The following EPHB2 variants were observed in gnomAD, a reference collection of about 807,000 sequenced individuals.
EPHB2 encodes ephrin type-B receptor 2.
In EPHB2, 18 loss-of-function variants were observed where a neutral mutation model predicts 96.4. The observed-to-expected ratio is 0.19, with a 90% confidence interval of 0.13 to 0.28. The LOEUF (loss-of-function observed/expected upper bound fraction) is 0.28, where lower values mean the gene tolerates loss of function less well. Among genes scored for constraint, EPHB2 ranks in the 10% least tolerant of loss-of-function variants. The pLI is 1.00. For missense variants in EPHB2, 989 were observed against 1,355.4 expected, an observed-to-expected ratio of 0.73 and a Z score of 4.25; for synonymous variants, 506 against 534.1, an observed-to-expected ratio of 0.95 and a Z score of 0.72.
At chr1:22,768,453 G>A (rs916497101) in intron 1 of EPHB2, among the ~76,000 whole-genome samples, 4 of 152,204 alleles carry the variant, frequency 2.6e-5, no homozygotes, top group African/African-American at 4.8e-5. Flanking sequence ...TTGGGAGGCC[G>A]AGGTGGGAGG....
chr1:22,826,651 C>A (rs1356371728), intron 3 of EPHB2, among the ~76,000 whole-genome samples: 1 of 152,252 alleles, frequency 6.6e-6, no homozygotes, highest in Non-Finnish European at 1.5e-5. Flanking sequence ...ACGCCTGCCT[C>A]CCCCAGGACA....
chr1:22,769,150 G>A (rs553334204), intron 1 of EPHB2, among the ~76,000 whole-genome samples: 1 of 152,254 alleles, frequency 6.6e-6, no homozygotes, highest in South Asian at 2.1e-4. Flanking sequence ...AATGTGATAT[G>A]GACAACAGAT....
intron 2 of EPHB2, among the ~76,000 whole-genome samples, chr1:22,783,901 T>C (rs1422038347): frequency 6.6e-6 from 1 of 152,088 alleles, no homozygotes; most frequent in Non-Finnish European, 1.5e-5. Context: ...TCCTAGGCGT[T>C]CATTGAGGAT....
At chr1:22,861,912 C>T (rs1638270944) in intron 3 of EPHB2, among the ~76,000 whole-genome samples, 1 of 152,216 alleles carries the variant, frequency 6.6e-6, no homozygotes, top group African/African-American at 2.4e-5. Flanking sequence ...CCGGTGAGGG[C>T]CTGGGGGCCT....
Position 22,784,447 on chromosome 1 carries a change from T to C in EPHB2, c.182T>C (p.Val61Ala). Residue 61 changes from valine (V) to alanine (A), a missense_variant, in exon 3 of 16, where the codon GTG (valine) becomes GCG (alanine). Val to Ala is a moderately conservative substitution (Grantham distance 64, BLOSUM62 0). Transcript: ENST00000374630. This position sits in a 1 kb window ranked among gnomAD's most constrained non-coding sequence, Gnocchi z 5.1. ...ENMNTIRTYQ[V>A]CNVFESSQNN... ...ATGAACACGATCCGCACGTACCAGG[T>C]GTGCAACGTGTTTGAGTCAAGCCAG... 6.2e-7 allele frequency: 1 copy of C among 1,614,132 alleles called. No homozygotes were observed. The highest frequency in any genetic ancestry group is 8.5e-7 in the Non-Finnish European group (1 of 1,180,024).
At chr1:22,889,535 A>G (rs1639327901) in intron 6 of EPHB2, among the ~76,000 whole-genome samples, 1 of 152,334 alleles carries the variant, frequency 6.6e-6, no homozygotes, top group African/African-American at 2.4e-5. Context: ...GGATCCAGAG[A>G]TGAGCAAGAC....
At chr1:22,809,033 G>A (rs201156040) in intron 3 of EPHB2, among the ~76,000 whole-genome samples, 21 of 152,348 alleles carry the variant, frequency 1.4e-4, no homozygotes, top group South Asian at 4.1e-4. Context: ...TGGTGGGGCC[G>A]GGCCAGGCCT....
Position 22,831,687 on chromosome 1 carries a change from A to T in EPHB2, c.812-31350A>T, listed in dbSNP as rs539896193. On this transcript the variant is annotated intron_variant, in intron 3 of 15. Coordinates refer to ENST00000374630, the MANE Select transcript of EPHB2 (RefSeq NM_017449.5). The stretch of plus-strand genomic sequence containing the variant: ...GAGATAGCAAGAGTTGTTGGAGATG[A>T]TTATAAGGGGAGGGCCAAAATGATC... Among the ~76,000 whole-genome samples the T allele has an allele frequency of 4.6e-5, 7 of 152,138 alleles. No homozygotes were observed. In the South Asian group the frequency reaches 1.2e-3, roughly 27 times the overall value.
intron 1 of EPHB2, among the ~76,000 whole-genome samples, chr1:22,750,636 G>A (rs1644047220): frequency 6.6e-6 from 1 of 152,180 alleles, no homozygotes; most frequent in South Asian, 2.1e-4. Flanking sequence ...ATTGGGAAAA[G>A]CAGACTTCAA....
intron 3 of EPHB2, among the ~76,000 whole-genome samples, chr1:22,854,954 C>T (rs1283999854): frequency 2.0e-5 from 3 of 152,198 alleles, no homozygotes; most frequent in Admixed American, 2.0e-4. Flanking sequence ...CAAGCCCAGC[C>T]CTGCCCTACA....
Position 22,921,042 on chromosome 1 carries a change from C to T in EPHB2, c.*7472C>T, listed in dbSNP as rs991539544. On this transcript the variant is annotated 3_prime_UTR_variant, in exon 16 of 16. Coordinates refer to ENST00000374630, the MANE Select transcript of EPHB2 (RefSeq NM_017449.5). The stretch of plus-strand genomic sequence containing the variant: ...TACCAGTGGTACACACTCAGCCCCT[C>T]TCCACTGTCAGATCCTTTGCCAGTC... The T allele has an allele frequency of 6.6e-6, 1 of 152,310 alleles. No individual in the cohort carries two copies. Among genetic ancestry groups the T allele is most frequent in the African/African-American group, 2.4e-5 (1 of 41,466 alleles). 9.4% of individuals were successfully genotyped at this position (152,310 alleles called of 1,614,324 possible). A position where few individuals can be genotyped will look rare whatever the true frequency, so the allele number is the denominator to read the frequency against.
At chr1:22,819,243 CTCT>C in intron 3 of EPHB2, among the ~76,000 whole-genome samples, 1 of 149,482 alleles carries the variant, frequency 6.7e-6, no homozygotes, top group African/African-American at 2.5e-5. Flanking sequence ...CTCTCTCTCT[CTCT>C]CTCTGCTGGT....
At chr1:22,745,860 C>G (rs1171676524) in intron 1 of EPHB2, among the ~76,000 whole-genome samples, 1 of 152,130 alleles carries the variant, frequency 6.6e-6, no homozygotes, top group African/African-American at 2.4e-5. Context: ...GCTGGTGTGC[C>G]TAGCCGACGC....
Position 22,906,052 on chromosome 1 carries a change from G to A in EPHB2, c.1831G>A (p.Glu611Lys), listed in dbSNP as rs1425174126. The A allele has an allele frequency of 6.2e-7, 1 of 1,614,234 alleles. No homozygotes were observed. The highest frequency in any genetic ancestry group is 1.1e-5 in the South Asian group (1 of 91,084). ...TYEDPNEAVR[E>K]FAKEIDISCV... is the part of the protein sequence containing the mutation. ...CGAGGACCCCAACGAGGCAGTGCGG[G>A]AGTTTGCCAAGGAAATTGACATCTC... Residue 611 changes from glutamate (E) to lysine (K), a missense_variant, in exon 10 of 16, where the codon GAG becomes AAG. Physicochemically the swap from Glu to Lys is moderately conservative, Grantham distance 56 (BLOSUM62 1). Transcript: ENST00000374630. This position sits in a 1 kb window ranked among gnomAD's most constrained non-coding sequence, Gnocchi z 4.8.
rs116079599 is a variant in EPHB2, at chr1:22,879,282, G to A, written c.1304-3077G>A. On this transcript the variant is annotated intron_variant, in intron 5 of 15. Transcript: ENST00000374630. The stretch of plus-strand genomic sequence containing the variant: ...GCAGAGAAGCTGTGGGGAGGCATGG[G>A]GATTGGGGTGCTTCCCGGGCCAGCA... Among the ~76,000 whole-genome samples the A allele has an allele frequency of 3.4e-3, 521 of 152,342 alleles. 4 individuals are homozygous for A. Among genetic ancestry groups the A allele is most frequent in the African/African-American group, 0.012 (506 of 41,562 alleles).
At chr1:22,863,517 C>T (rs371076220) in intron 4 of EPHB2, among the ~76,000 whole-genome samples, 3 of 152,208 alleles carry the variant, frequency 2.0e-5, no homozygotes, top group African/African-American at 7.2e-5. Flanking sequence ...GCAGAAAAGG[C>T]TGCCCAGTGT....
At chr1:22,798,234 A>G (rs889345720) in intron 3 of EPHB2, among the ~76,000 whole-genome samples, 1 of 152,164 alleles carries the variant, frequency 6.6e-6, no homozygotes, top group Non-Finnish European at 1.5e-5. Flanking sequence ...TGCTGGGAGT[A>G]ACGCTACTAA....
At chr1:22,734,153 G>A (rs1384788210) in intron 1 of EPHB2, among the ~76,000 whole-genome samples, 2 of 152,208 alleles carry the variant, frequency 1.3e-5, no homozygotes, top group African/African-American at 4.8e-5. Flanking sequence ...CTGTGAGGGG[G>A]CTTTGGAGCA....
intron 1 of EPHB2, among the ~76,000 whole-genome samples, chr1:22,735,167 A>G (rs1047914682): frequency 1.3e-5 from 2 of 152,062 alleles, no homozygotes; most frequent in Non-Finnish European, 2.9e-5. Context: ...TCACTCCTAT[A>G]ATCCCAGCAC....
Sources: allele counts gnomAD v4.1 joint callset (sites outside exome capture counted in the v4.1 genomes callset), GRCh38; gene constraint gnomAD v4.1.1; non-coding constraint Gnocchi (gnomAD v3.1); transcripts MANE v1.5; gene names NCBI Gene and HGNC (gene_info 2026-07-23, HGNC 2026-07-21).